CYTH3: variants seen among roughly 807,000 people sequenced by gnomAD.
The protein encoded by CYTH3 is cytohesin-3.
In CYTH3, 23 loss-of-function variants were observed where a neutral mutation model predicts 55.1. That is an observed-to-expected ratio of 0.42 (90% CI 0.30 to 0.59). CYTH3 has a LOEUF of 0.59. CYTH3 is among the 20% of genes least tolerant of loss of function. The pLI is 0.20. For missense variants in CYTH3, 413 were observed against 524.8 expected (o/e 0.79, Z 2.08); for synonymous variants, 249 against 194.9 (o/e 1.28, Z -2.31).
At position 6,169,622 on chromosome 7, in the gene CYTH3, G is replaced by A. The variant is rs138862557; in HGVS notation, c.823+913C>T. Among the ~76,000 whole-genome samples the A allele has an allele frequency of 1.6e-4, 25 of 152,256 alleles. No homozygotes were observed. The East Asian group carries it at 2.1e-3, about 13-fold the overall frequency. On this transcript the variant is annotated intron_variant, in intron 9 of 12. Transcript: ENST00000350796. This position sits in a 1 kb window ranked among gnomAD's most constrained non-coding sequence, Gnocchi z 4.1. ...TGAACCCAGCTACCGCATCTCGCCC[G>A]CTTCACTGTGGGCATAAGGCAACCA...
intron 1 of CYTH3, among the ~76,000 whole-genome samples, chr7:6,235,781 A>C (rs1779506476): frequency 6.6e-6 from 1 of 152,208 alleles, no homozygotes; most frequent in Non-Finnish European, 1.5e-5. Flanking sequence ...TAGAGACAGA[A>C]ACCCCACTCA....
chr7:6,248,247 CAAA>C (rs754789105), intron 1 of CYTH3, among the ~76,000 whole-genome samples: 2 of 128,254 alleles, frequency 1.6e-5, no homozygotes, highest in East Asian at 2.2e-4. Flanking sequence ...CCCCCCCAGC[CAAA>C]AAAAAAAAAA....
chr7:6,207,362 G>C (rs980615120), intron 1 of CYTH3, among the ~76,000 whole-genome samples: 1 of 152,046 alleles, frequency 6.6e-6, no homozygotes, highest in African/African-American at 2.4e-5. Flanking sequence ...CCAAAGTGCT[G>C]GGACTACAGG....
rs554287074 is a variant in CYTH3, at chr7:6,169,654, C to T, written c.823+881G>A. Among the ~76,000 whole-genome samples, 9 of 152,224 alleles carry T rather than the reference C, an allele frequency of 5.9e-5. No individual in the cohort carries two copies. The highest frequency in any genetic ancestry group is 1.2e-4 in the Non-Finnish European group (8 of 68,042). ...TGTGGGCATAAGGCAACCATCCCCG[C>T]CCCGCAGGCAAAACAACCCCTCAGC... is the stretch of plus-strand genomic sequence containing the variant. On this transcript the variant is annotated intron_variant, in intron 9 of 12. Coordinates refer to ENST00000350796, the MANE Select transcript of CYTH3 (RefSeq NM_004227.4). This position sits in a 1 kb window ranked among gnomAD's most constrained non-coding sequence, Gnocchi z 4.1.
intron 2 of CYTH3, among the ~76,000 whole-genome samples, chr7:6,190,197 T>G (rs1160817134): frequency 6.6e-6 from 1 of 152,202 alleles, no homozygotes; most frequent in African/African-American, 2.4e-5. Flanking sequence ...CTGACCTCAG[T>G]TCTACGATGT....
chr7:6,218,354 T>A (rs1256427526), intron 1 of CYTH3, among the ~76,000 whole-genome samples: 1 of 151,526 alleles, frequency 6.6e-6, no homozygotes, highest in East Asian at 1.9e-4. Flanking sequence ...GAGAGAGGGG[T>A]CATGGACAAG....
chr7:6,166,762 G>A (rs149718611), intron 9 of CYTH3, among the ~76,000 whole-genome samples: 182 of 152,252 alleles, frequency 1.2e-3, no homozygotes, highest in African/African-American at 4.2e-3. Flanking sequence ...GTCCCTCTGG[G>A]ACCCTCTGGC....
rs1246795694 is a variant in CYTH3, at chr7:6,164,597, G to A, written c.*347C>T. Reference sequence around the variant, plus strand: ...CGTGTCTGCTGTGGAGACAGCGGAAGCTGCTGTCCTGGCTTCTCCCCCTAG... The same window carrying A: ...CGTGTCTGCTGTGGAGACAGCGGAAACTGCTGTCCTGGCTTCTCCCCCTAG... On this transcript the variant is annotated 3_prime_UTR_variant, in exon 13 of 13. Coordinates refer to ENST00000350796, the MANE Select transcript of CYTH3 (RefSeq NM_004227.4). 2.8e-5 allele frequency: 9 copies of A among 326,834 alleles called. 1 individual carries two copies. The highest frequency in any genetic ancestry group is 2.3e-4 in the South Asian group (6 of 25,994). 20.2% of individuals were successfully genotyped at this position (326,834 alleles called of 1,614,324 possible).
chr7:6,251,478 TCA>T (rs1779962646), intron 1 of CYTH3, among the ~76,000 whole-genome samples: 1 of 152,000 alleles, frequency 6.6e-6, no homozygotes. Flanking sequence ...CGGAACCCTC[TCA>T]GTGTAAAATA....
At position 6,193,671 on chromosome 7, in the gene CYTH3, A is replaced by C. The variant is rs530742786; in HGVS notation, c.35-3140T>G. Reference sequence around the variant, plus strand: ...TGGAGGGGGCTGTGAAGGAGGGTCAACTAAAATAAGGAGAACTGGTTGAAA... The same window carrying C: ...TGGAGGGGGCTGTGAAGGAGGGTCACCTAAAATAAGGAGAACTGGTTGAAA... On this transcript the variant is annotated intron_variant, in intron 1 of 12. Coordinates refer to ENST00000350796, the MANE Select transcript of CYTH3 (RefSeq NM_004227.4). Among the ~76,000 whole-genome samples, 9 of 152,324 alleles carry C rather than the reference A, an allele frequency of 5.9e-5. No individual in the cohort carries two copies. In the South Asian group the frequency reaches 1.7e-3, roughly 28 times the overall value.
chr7:6,191,668 T>C (rs911417182), intron 1 of CYTH3, among the ~76,000 whole-genome samples: 5 of 150,582 alleles, frequency 3.3e-5, no homozygotes, highest in African/African-American at 9.7e-5. Flanking sequence ...CAATCTTGTC[T>C]CACTGCATCC....
intron 4 of CYTH3, among the ~76,000 whole-genome samples, chr7:6,183,316 C>T (rs1783553689): frequency 6.6e-6 from 1 of 152,220 alleles, no homozygotes; most frequent in South Asian, 2.1e-4. Context: ...TCCAGCTGAT[C>T]CCATTTATCT....
rs563743838 is a variant in CYTH3, at chr7:6,191,850, G to T, written c.35-1319C>A. Among the ~76,000 whole-genome samples, 8 of 152,302 alleles carry T rather than the reference G, an allele frequency of 5.3e-5. No homozygotes were observed. In the South Asian group the frequency reaches 1.7e-3, roughly 32 times the overall value. On this transcript the variant is annotated intron_variant, in intron 1 of 12. Coordinates refer to ENST00000350796, the MANE Select transcript of CYTH3 (RefSeq NM_004227.4). ...CAAGCACTTTGGGAGGCCAAGGTGG[G>T]AGGATCACTTGAGGCCAGGAGTTCG...
intron 1 of CYTH3, among the ~76,000 whole-genome samples, chr7:6,248,752 C>G (rs1779889075): frequency 6.6e-6 from 1 of 152,214 alleles, no homozygotes; most frequent in African/African-American, 2.4e-5. Flanking sequence ...CCTCACAACC[C>G]TGCACTGAGT....
intron 1 of CYTH3, among the ~76,000 whole-genome samples, chr7:6,190,748 C>A (rs541817054): frequency 6.6e-6 from 1 of 151,988 alleles, no homozygotes; most frequent in Non-Finnish European, 1.5e-5. Flanking sequence ...GAATAAATTG[C>A]GGTACATTCA....
At chr7:6,198,921 G>A (rs947188388) in intron 1 of CYTH3, among the ~76,000 whole-genome samples, 5 of 152,124 alleles carry the variant, frequency 3.3e-5, no homozygotes, top group Non-Finnish European at 5.9e-5. Context: ...CTCAGTTCTC[G>A]TCTGATGGAG....
intron 1 of CYTH3, among the ~76,000 whole-genome samples, chr7:6,216,250 T>C (rs1257671504): frequency 6.6e-6 from 1 of 152,098 alleles, no homozygotes; most frequent in Admixed American, 6.5e-5. Flanking sequence ...ATATGTAAGA[T>C]TACAAATTGG....
chr7:6,211,945 C>G (rs927582207), intron 1 of CYTH3, among the ~76,000 whole-genome samples: 2 of 152,098 alleles, frequency 1.3e-5, no homozygotes, highest in Non-Finnish European at 2.9e-5. Context: ...GAGATTGTGC[C>G]ACTGCACTCC....
intron 1 of CYTH3, among the ~76,000 whole-genome samples, chr7:6,269,167 G>A (rs909057533): frequency 3.9e-5 from 6 of 152,270 alleles, no homozygotes; most frequent in Non-Finnish European, 7.4e-5. Flanking sequence ...CTGCAGGGGT[G>A]AGTCCCTGCA....
Sources: gnomAD v4.1 joint callset for allele counts (sites outside exome capture counted in the v4.1 genomes callset) on GRCh38, gnomAD v4.1.1 for gene constraint, Gnocchi (gnomAD v3.1) non-coding constraint, MANE v1.5 for transcripts, NCBI Gene and HGNC (gene_info 2026-07-23, HGNC 2026-07-21) for gene names.